ZNF410: variants seen among roughly 807,000 people sequenced by gnomAD.
The protein encoded by ZNF410 is another partner for ARF 1.
In ZNF410, 18 loss-of-function variants were observed where a neutral mutation model predicts 54.8. That is an observed-to-expected ratio of 0.33 (90% CI 0.23 to 0.49). ZNF410 has a LOEUF of 0.49. ZNF410 is among the 20% of genes least tolerant of loss of function. ZNF410 has a pLI of 0.99. For synonymous variants in ZNF410, 191 were observed against 207.3 expected (o/e 0.92, Z 0.68); for missense variants, 405 against 569.6 (o/e 0.71, Z 2.94).
rs766580733 is a variant in ZNF410 at position 73,923,418 on chromosome 14, C to T, written c.1294C>T (p.Arg432Cys). Residue 432 changes from arginine to cysteine, a missense_variant, in exon 11 of 12, where the codon CGT becomes TGT. By Grantham distance (180) the Arg-to-Cys change is radical. Transcript: ENST00000555044. ...AGAGGTGCTTGCTGAAGGATCCCCACGTTCCCTGTCTTCAGTGCCTGATGT... is the reference window on the plus strand; with the variant it reads ...AGAGGTGCTTGCTGAAGGATCCCCATGTTCCCTGTCTTCAGTGCCTGATGT... ...DDEVLAEGSP[R>C]SLSSVPDVTH... The T allele has an allele frequency of 8.7e-6, 14 of 1,613,616 alleles. No homozygotes were observed. Among genetic ancestry groups the T allele is most frequent in the African/African-American group, 2.7e-5 (2 of 74,922 alleles).
intron 2 of ZNF410, chr14:73,893,440 T>A (rs1193082138): frequency 5.7e-6 from 1 of 176,194 alleles, no homozygotes; most frequent in Non-Finnish European, 1.2e-5. Flanking sequence ...CTATACAGCA[T>A]GTTACTGTAC....
At chr14:73,889,580 G>A (rs2055194230) in intron 1 of ZNF410, among the ~76,000 whole-genome samples, 1 of 152,102 alleles carries the variant, frequency 6.6e-6, no homozygotes, top group Non-Finnish European at 1.5e-5. Flanking sequence ...TCTGGTGTGG[G>A]TGGGAGTCCT....
chr14:73,902,122 G>T (rs1240473780), intron 5 of ZNF410: 2 of 148,238 alleles, frequency 1.3e-5, no homozygotes, highest in Non-Finnish European at 3.0e-5. Flanking sequence ...AGGCTGGAGT[G>T]CAGTGGCGCG....
chr14:73,926,976 A>C (rs2055842509), intron 11 of ZNF410: 1 of 152,638 alleles, frequency 6.6e-6, no homozygotes, highest in Admixed American at 6.5e-5. Context: ...ATTGACTGGT[A>C]GGTTATGTAA....
chr14:73,889,293 C>T (rs928885977), intron 1 of ZNF410, among the ~76,000 whole-genome samples: 1 of 152,024 alleles, frequency 6.6e-6, no homozygotes, highest in South Asian at 2.1e-4. Flanking sequence ...TCCTACTCAG[C>T]CTCCCTAGTA....
chr14:73,916,189 C>T (rs2055664853), intron 8 of ZNF410: 1 of 152,010 alleles, frequency 6.6e-6, no homozygotes, highest in Non-Finnish European at 1.5e-5. Context: ...GAAAAGGAGT[C>T]TGGATGTTCA....
Position 73,886,871 on chromosome 14 carries a change from A to C in ZNF410, c.-194A>C, listed in dbSNP as rs1403600384. On this transcript the variant is annotated 5_prime_UTR_variant, in exon 1 of 12. Transcript: ENST00000555044. ...GCCGGAAGACGCTGTGTGTGGACGG[A>C]ATTCGGGACCGACTGACGGCCGGCC... 1 of 152,808 alleles carries C rather than the reference A, an allele frequency of 6.5e-6. No homozygotes were observed. The highest frequency in any genetic ancestry group is 1.9e-4 in the East Asian group (1 of 5,196). The allele number at this position is 152,808 out of a possible 1,614,324, so 9.5% of individuals were successfully genotyped here.
At chr14:73,931,196 T>C (rs552814769) in intron 11 of ZNF410, among the ~76,000 whole-genome samples, 2 of 152,302 alleles carry the variant, frequency 1.3e-5, no homozygotes, top group East Asian at 1.9e-4. Context: ...CTGTTTTCCC[T>C]GTAAGTTAGA....
chr14:73,892,323 G>T, intron 2 of ZNF410, 115 bp downstream of exon 2: 12 of 969,812 alleles, frequency 1.2e-5, no homozygotes, highest in South Asian at 3.3e-5. Flanking sequence ...AAATATTTTA[G>T]GTTTTTTAAG....
intron 11 of ZNF410, chr14:73,924,563 G>T (rs2055800264): frequency 5.5e-6 from 2 of 362,710 alleles, no homozygotes; most frequent in Admixed American, 3.6e-5. Flanking sequence ...GGGAGTGGAT[G>T]ACTTCATCAC....
intron 11 of ZNF410, chr14:73,924,751 A>G (rs2055804410): frequency 2.4e-6 from 1 of 422,032 alleles, no homozygotes; most frequent in Non-Finnish European, 4.6e-6. Context: ...TTCTCGGCTC[A>G]CTGCAACCTC....
At position 73,905,168 on chromosome 14, in the gene ZNF410, A is replaced by T. The variant is rs2055462237; in HGVS notation, c.913+85A>T. ...CTCCTTAGGAAAGACTCAAGTGGGA[A>T]TAGAAATGAAGGTCTGGGGTTGTTG... On this transcript the variant is annotated intron_variant, in intron 7 of 11. Transcript: ENST00000555044. 2.1e-6 allele frequency: 3 copies of T among 1,425,958 alleles called. No homozygotes were observed. The African/African-American group carries it at 4.3e-5, about 20-fold the overall frequency. 88.3% of individuals were successfully genotyped at this position (1,425,958 alleles called of 1,614,324 possible).
chr14:73,924,438 G>C (rs1015437243), intron 11 of ZNF410, among the ~76,000 whole-genome samples: 4 of 152,136 alleles, frequency 2.6e-5, no homozygotes, highest in African/African-American at 9.7e-5. Context: ...AACAAAAAGG[G>C]TTTGAGGTTG....
At chr14:73,910,555 C>T (rs1026513756) in intron 8 of ZNF410, among the ~76,000 whole-genome samples, 4 of 151,936 alleles carry the variant, frequency 2.6e-5, no homozygotes, top group Non-Finnish European at 2.9e-5. Context: ...ACCAGCCTGA[C>T]CAACATGGTG....
chr14:73,917,311 C>G lies in ZNF410; in HGVS notation c.1004-3669C>G, dbSNP rs545840389. Among the ~76,000 whole-genome samples the G allele has an allele frequency of 5.9e-5, 9 of 152,162 alleles. No homozygotes were observed. In the East Asian group the frequency reaches 1.5e-3, roughly 26 times the overall value. ...TTTAAATCATTGTTTTAATATATCA[C>G]CAGCTTGATATGTAGATTTGCTTCA... On this transcript the variant is annotated intron_variant, in intron 8 of 11. Coordinates refer to ENST00000555044, the MANE Select transcript of ZNF410 (RefSeq NM_021188.3).
At chr14:73,919,493 A>G (rs188874088) in intron 8 of ZNF410, among the ~76,000 whole-genome samples, 28 of 152,220 alleles carry the variant, frequency 1.8e-4, no homozygotes, top group African/African-American at 5.8e-4. Context: ...CTTTGTGTCC[A>G]TAAGTACCCA....
intron 8 of ZNF410, among the ~76,000 whole-genome samples, chr14:73,918,331 C>T (rs868799702): frequency 6.6e-6 from 1 of 152,126 alleles, no homozygotes; most frequent in African/African-American, 2.4e-5. Context: ...AACTCCTGAC[C>T]TCAAGTGATC....
chr14:73,914,380 G>A (rs7156534), intron 8 of ZNF410: 25,541 of 152,220 alleles, frequency 0.17, 2,858 homozygotes, highest in East Asian at 0.49. Flanking sequence ...CACCATGTTG[G>A]CCAGGCTAGT....
At chr14:73,922,416 AAAG>A (rs1380101162) in intron 10 of ZNF410, 8 of 381,146 alleles carry the variant, frequency 2.1e-5, no homozygotes, top group East Asian at 1.3e-4. Context: ...AAAAGAATAA[AAAG>A]AAAAAATTCT....
Sources: gnomAD v4.1 joint callset for allele counts (sites outside exome capture counted in the v4.1 genomes callset) on GRCh38, gnomAD v4.1.1 for gene constraint, MANE v1.5 for transcripts, NCBI Gene and HGNC (gene_info 2026-07-23, HGNC 2026-07-21) for gene names.